SEL1L2: variants seen among roughly 807,000 people sequenced by gnomAD.
The protein encoded by SEL1L2 is SEL1L2 adaptor subunit of SYVN1 ubiquitin ligase, also known as protein sel-1 homolog 2.
SEL1L2 carries 89 observed loss-of-function variants against 98.8 expected under a neutral mutation model. The observed-to-expected ratio is 0.90, with a 90% CI of 0.76 to 1.07. The LOEUF is 1.07. Among genes scored for constraint, SEL1L2 ranks in the 50% least tolerant of loss-of-function variants. SEL1L2 has a pLI of 0.00. For missense variants in SEL1L2, 788 were observed against 812.0 expected (o/e 0.97, Z 0.36); for synonymous variants, 262 against 278.5 (o/e 0.94, Z 0.59).
chr20:13,934,043 T>C (rs1339766524), intron 2 of SEL1L2, among the ~76,000 whole-genome samples: 1 of 150,732 alleles, frequency 6.6e-6, no homozygotes, highest in African/African-American at 2.4e-5. Flanking sequence ...TCATGGTGAT[T>C]TGTGAGATTT....
chr20:13,857,305 C>A (rs1273306152), intron 18 of SEL1L2, among the ~76,000 whole-genome samples: 1 of 151,482 alleles, frequency 6.6e-6, no homozygotes, highest in Non-Finnish European at 1.5e-5. Context: ...TTAACAAGAA[C>A]CCTGGTAGAA....
chr20:13,942,025 C>G (rs1205860145), intron 2 of SEL1L2, among the ~76,000 whole-genome samples: 3 of 152,136 alleles, frequency 2.0e-5, no homozygotes, highest in African/African-American at 7.2e-5. Flanking sequence ...TTAAATTCTG[C>G]TGATAAAGCT....
intron 5 of SEL1L2, among the ~76,000 whole-genome samples, chr20:13,896,335 T>TG (rs1249889586): frequency 6.6e-6 from 1 of 151,612 alleles, no homozygotes; most frequent in Admixed American, 6.6e-5. Context: ...CTGGGCACGG[T>TG]GGGGGGCGCC....
intron 4 of SEL1L2, among the ~76,000 whole-genome samples, chr20:13,918,034 G>C (rs2048486244): frequency 6.6e-6 from 1 of 151,866 alleles, no homozygotes; most frequent in African/African-American, 2.4e-5. Flanking sequence ...CAAGCAATCT[G>C]CTAGCCTTGG....
chr20:13,931,582 G>A (rs776441902), intron 3 of SEL1L2, 21 bp downstream of exon 3: 2 of 1,268,714 alleles, frequency 1.6e-6, no homozygotes, highest in Non-Finnish European at 2.1e-6. Flanking sequence ...AAATTTACAT[G>A]TGAAAAGATA....
chr20:13,938,751 T>C (rs1480703635), intron 2 of SEL1L2, among the ~76,000 whole-genome samples: 1 of 152,150 alleles, frequency 6.6e-6, no homozygotes, highest in Non-Finnish European at 1.5e-5. Context: ...GCCTATCTCA[T>C]TGGGATGTTT....
intron 1 of SEL1L2, among the ~76,000 whole-genome samples, chr20:13,973,123 A>C (rs926155060): frequency 2.6e-5 from 4 of 152,120 alleles, no homozygotes; most frequent in Non-Finnish European, 4.4e-5. Context: ...GATCTTGAGC[A>C]CCCAGGTTGC....
At chr20:13,871,179 A>G (rs2046177098) in intron 12 of SEL1L2, among the ~76,000 whole-genome samples, 3 of 152,150 alleles carry the variant, frequency 2.0e-5, no homozygotes, top group East Asian at 1.9e-4. Context: ...GTGGATTACA[A>G]TCCAGCCACT....
At chr20:13,888,316 G>T in intron 6 of SEL1L2, 143 bp downstream of exon 6, 1 of 667,876 alleles carries the variant, frequency 1.5e-6, no homozygotes, top group Non-Finnish European at 2.6e-6. Flanking sequence ...TATGGCATAA[G>T]AACACTAAAT....
intron 3 of SEL1L2, chr20:13,927,849 G>C (rs1031772478): frequency 2.0e-5 from 3 of 152,186 alleles, no homozygotes; most frequent in African/African-American, 7.2e-5. Flanking sequence ...AGGGAAGGTA[G>C]CTTCTCCGTG....
intron 5 of SEL1L2, among the ~76,000 whole-genome samples, chr20:13,907,706 C>CTTTCT (rs2148143279): frequency 1.1e-5 from 1 of 89,338 alleles, no homozygotes; most frequent in African/African-American, 4.9e-5. Context: ...CTTTCTCTTT[C>CTTTCT]TTTCTTTCTT....
chr20:13,942,333 A>G (rs2049819415), intron 2 of SEL1L2, among the ~76,000 whole-genome samples: 1 of 152,250 alleles, frequency 6.6e-6, no homozygotes. Flanking sequence ...ACACTAGTGA[A>G]GAAAGTCAAG....
chr20:13,876,712 G>A (rs536098253), intron 11 of SEL1L2, among the ~76,000 whole-genome samples: 40 of 152,280 alleles, frequency 2.6e-4, no homozygotes, highest in African/African-American at 8.2e-4. Context: ...GACCTGTCCC[G>A]GTCTCCAGTG....
chr20:13,883,775 A>G (rs6079204), intron 10 of SEL1L2, among the ~76,000 whole-genome samples: 29,590 of 152,246 alleles, frequency 0.19, 3,729 homozygotes, highest in Non-Finnish European at 0.26. Flanking sequence ...GCACTGTACA[A>G]AGATTGGTTT....
At chr20:13,934,734 T>C (rs150481540) in intron 2 of SEL1L2, among the ~76,000 whole-genome samples, 1 of 151,708 alleles carries the variant, frequency 6.6e-6, no homozygotes, top group Non-Finnish European at 1.5e-5. Flanking sequence ...CACATAGCAG[T>C]GTAGAAGTGT....
rs757748737 is a variant in SEL1L2, at chr20:13,888,329, C to T, written c.603+130G>A. ...CTTATGGCATAAGAACACTAAATTT[C>T]TTTGACTATTAAGTTGGTGTTTTCA... On this transcript the variant is annotated intron_variant, in intron 6 of 19. Coordinates refer to ENST00000284951, the MANE Select transcript of SEL1L2 (RefSeq NM_025229.2). 4.4e-5 allele frequency: 30 copies of T among 688,540 alleles called. No individual in the cohort carries two copies. In the South Asian group the frequency reaches 5.2e-4, roughly 12 times the overall value. 42.7% of individuals were successfully genotyped at this position (688,540 alleles called of 1,614,324 possible). A position where few individuals can be genotyped will look rare whatever the true frequency, so the allele number is the denominator to read the frequency against.
chr20:13,985,431 A>G (rs2052114733), intron 1 of SEL1L2, among the ~76,000 whole-genome samples: 1 of 152,108 alleles, frequency 6.6e-6, no homozygotes, highest in South Asian at 2.1e-4. Context: ...ATCTTTCAAG[A>G]TTCTGTCTAT....
chr20:13,909,388 C>T (rs1237635205), intron 5 of SEL1L2, among the ~76,000 whole-genome samples: 1 of 152,242 alleles, frequency 6.6e-6, no homozygotes, highest in Admixed American at 6.5e-5. Context: ...CAAGGAAATA[C>T]ACCAACTGCA....
At chr20:13,949,420 C>A (rs1010729560) in intron 2 of SEL1L2, among the ~76,000 whole-genome samples, 1 of 152,138 alleles carries the variant, frequency 6.6e-6, no homozygotes, top group East Asian at 1.9e-4. Context: ...ATCCCAGCAC[C>A]TTGGGAGGCG....
Sources: allele counts gnomAD v4.1 joint callset (sites outside exome capture counted in the v4.1 genomes callset), GRCh38; gene constraint gnomAD v4.1.1; transcripts MANE v1.5; gene names NCBI Gene and HGNC (gene_info 2026-07-23, HGNC 2026-07-21).